The following CAMK2D variants were observed in gnomAD, a reference collection of about 807,000 sequenced individuals.
CAMK2D encodes the protein calcium/calmodulin dependent protein kinase II delta.
Under a neutral mutation model 84.0 loss-of-function variants are expected in CAMK2D, and 37 were observed. The ratio of observed to expected loss-of-function variants is 0.44; its 90% CI spans 0.34 to 0.58. The LOEUF is 0.58. Among genes scored for constraint, CAMK2D ranks in the 20% least tolerant of loss-of-function variants. The pLI, the probability that CAMK2D is intolerant of heterozygous loss-of-function variation, is 0.02. For synonymous variants in CAMK2D, 202 were observed against 212.5 expected (o/e 0.95, Z 0.43); for missense variants, 448 against 652.5 (o/e 0.69, Z 3.41).
At chr4:113,731,148 C>A (rs973080112) in intron 2 of CAMK2D, among the ~76,000 whole-genome samples, 1 of 152,200 alleles carries the variant, frequency 6.6e-6, no homozygotes, top group African/African-American at 2.4e-5. Context: ...TCCCATAAAT[C>A]TGCTTTCACT....
Position 113,454,369 on chromosome 4 carries a change from A to G in CAMK2D, c.*176T>C, listed in dbSNP as rs1170358015. The G allele has an allele frequency of 1.0e-5, 6 of 602,568 alleles. No homozygotes were observed. The Admixed American group carries it at 1.6e-4, about 16-fold the overall frequency. The allele number at this position is 602,568 out of a possible 1,614,324, so 37.3% of individuals were successfully genotyped here. ...TGTATAGGAAGGAATATATGATAAG[A>G]TGATGCATCACATATGCATTACATG... is the stretch of plus-strand genomic sequence containing the variant. On this transcript the variant is annotated 3_prime_UTR_variant, in exon 21 of 21. Coordinates refer to ENST00000511664, the MANE Select transcript of CAMK2D (RefSeq NM_001321571.2).
intron 4 of CAMK2D, among the ~76,000 whole-genome samples, chr4:113,605,918 C>A (rs937093607): frequency 6.6e-6 from 1 of 151,854 alleles, no homozygotes; most frequent in Admixed American, 6.6e-5. Flanking sequence ...GGATATAATC[C>A]AAAAATCACT....
intron 2 of CAMK2D, among the ~76,000 whole-genome samples, chr4:113,663,678 G>T (rs973920442): frequency 2.0e-5 from 3 of 150,330 alleles, no homozygotes; most frequent in South Asian, 2.1e-4. Context: ...TGGAGACAGG[G>T]ATATGAAAAT....
chr4:113,690,642 C>T (rs2154340896), intron 2 of CAMK2D, among the ~76,000 whole-genome samples: 1 of 152,088 alleles, frequency 6.6e-6, no homozygotes, highest in Non-Finnish European at 1.5e-5. Flanking sequence ...ATCTTTTTGC[C>T]ACGTATGATG....
At position 113,628,094 on chromosome 4, in the gene CAMK2D, T is replaced by C. The variant is rs192536415; in HGVS notation, c.221-18888A>G. Among the ~76,000 whole-genome samples, 131 of 152,304 alleles carry C rather than the reference T, an allele frequency of 8.6e-4. 2 individuals carry two copies. The highest frequency in any genetic ancestry group is 3.1e-3 in the African/African-American group (128 of 41,574). On this transcript the variant is annotated intron_variant, in intron 3 of 20. Coordinates refer to ENST00000511664, the MANE Select transcript of CAMK2D (RefSeq NM_001321571.2). ...ACACACTTAACTGTAGATGAGGAAA[T>C]CAAATCTATGTGGTTAACCATTCAT...
chr4:113,754,581 A>G, intron 2 of CAMK2D: 2 of 982,412 alleles, frequency 2.0e-6, no homozygotes, highest in Non-Finnish European at 1.2e-6. Flanking sequence ...TACACTAGTT[A>G]TTAATATCAC....
intron 16 of CAMK2D, among the ~76,000 whole-genome samples, chr4:113,473,707 A>G (rs1341893792): frequency 2.6e-5 from 4 of 152,214 alleles, no homozygotes; most frequent in Non-Finnish European, 5.9e-5. Context: ...ATAGTACAAA[A>G]TGATAGTTAA....
chr4:113,674,694 A>C (rs2099311012), intron 2 of CAMK2D, among the ~76,000 whole-genome samples: 1 of 152,182 alleles, frequency 6.6e-6, no homozygotes. Flanking sequence ...CTGTCTGCAG[A>C]GTGATACTGA....
intron 2 of CAMK2D, 33 bp from the exon 3 acceptor site, chr4:113,661,805 T>G: frequency 8.9e-7 from 1 of 1,120,350 alleles, no homozygotes; most frequent in Non-Finnish European, 1.3e-6. Context: ...AAGGCAAAAA[T>G]AAAGCAAAAA....
Position 113,482,976 on chromosome 4 carries a change from G to A in CAMK2D, c.1136-17372C>T, listed in dbSNP as rs114664133. 3.8e-3 allele frequency among the ~76,000 whole-genome samples: 574 copies of A among 152,244 alleles called. 1 individual carries two copies. The highest frequency in any genetic ancestry group is 5.6e-3 in the Non-Finnish European group (384 of 68,026). ...GGATTGGCAAACTCTGCTCAACAAC[G>A]TTGGCCAAGGGAAAAATGTTACGCT... On this transcript the variant is annotated intron_variant, in intron 16 of 20. Coordinates refer to ENST00000511664, the MANE Select transcript of CAMK2D (RefSeq NM_001321571.2).
chr4:113,692,532 A>AG (rs1434988298), intron 2 of CAMK2D, among the ~76,000 whole-genome samples: 1 of 152,016 alleles, frequency 6.6e-6, no homozygotes, highest in Admixed American at 6.6e-5. Flanking sequence ...ATATTCATAT[A>AG]TCATACATAC....
chr4:113,647,126 T>C (rs2099155190), intron 3 of CAMK2D, among the ~76,000 whole-genome samples: 1 of 152,234 alleles, frequency 6.6e-6, no homozygotes, highest in African/African-American at 2.4e-5. Context: ...AAGACTAAAT[T>C]ATTCTATTAT....
At chr4:113,704,548 G>A (rs1561938424) in intron 2 of CAMK2D, among the ~76,000 whole-genome samples, 2 of 151,884 alleles carry the variant, frequency 1.3e-5, no homozygotes, top group East Asian at 3.9e-4. Context: ...AATCCCATTA[G>A]TACTGTGGAA....
At chr4:113,653,610 AT>A (rs2099185698) in intron 3 of CAMK2D, among the ~76,000 whole-genome samples, 1 of 152,056 alleles carries the variant, frequency 6.6e-6, no homozygotes. Context: ...TTTAATTGTC[AT>A]TCATAAAACT....
At chr4:113,620,241 C>A (rs2099039882) in intron 3 of CAMK2D, among the ~76,000 whole-genome samples, 1 of 152,052 alleles carries the variant, frequency 6.6e-6, no homozygotes, top group Non-Finnish European at 1.5e-5. Flanking sequence ...AAGAAAACAG[C>A]CAACACCTCC....
chr4:113,459,268 G>T (rs180858426), intron 18 of CAMK2D, among the ~76,000 whole-genome samples: 1 of 152,174 alleles, frequency 6.6e-6, no homozygotes, highest in East Asian at 1.9e-4. Flanking sequence ...ACCCAGGCAG[G>T]AGTCCAGTGG....
At chr4:113,581,408 G>A (rs999411010) in intron 4 of CAMK2D, among the ~76,000 whole-genome samples, 9 of 151,708 alleles carry the variant, frequency 5.9e-5, no homozygotes, top group Non-Finnish European at 1.2e-4. Context: ...AGCTACGTGG[G>A]AGGCTGAGGC....
chr4:113,539,267 ATTCT>A (rs1383473535), intron 6 of CAMK2D, among the ~76,000 whole-genome samples: 3 of 152,184 alleles, frequency 2.0e-5, no homozygotes, highest in African/African-American at 7.2e-5. Context: ...GTTGATTCTA[ATTCT>A]TTCTTCACTT....
intron 4 of CAMK2D, among the ~76,000 whole-genome samples, chr4:113,607,805 C>T (rs745312647): frequency 2.4e-4 from 36 of 151,960 alleles, no homozygotes; most frequent in Non-Finnish European, 4.1e-4. Flanking sequence ...CACATGGATG[C>T]GCATGACACT....
Sources: allele counts gnomAD v4.1 joint callset (sites outside exome capture counted in the v4.1 genomes callset), GRCh38; gene constraint gnomAD v4.1.1; transcripts MANE v1.5; gene names NCBI Gene and HGNC (gene_info 2026-07-23, HGNC 2026-07-21).